Variants in PUS10 observed in about 807,000 individuals in gnomAD.
PUS10 encodes pseudouridine synthase 10, also known as tRNA pseudouridine synthase Pus10.
PUS10 carries 59 observed loss-of-function variants against 75.0 expected under a neutral mutation model. The ratio of observed to expected loss-of-function variants is 0.79; its 90% CI spans 0.64 to 0.98. The LOEUF is 0.98. Ranked by LOEUF, PUS10 falls within the 50% of genes least tolerant of loss-of-function variation. The pLI, the probability that PUS10 is intolerant of heterozygous loss-of-function variation, is 0.00. For missense variants in PUS10, 650 were observed against 614.4 expected, an observed-to-expected ratio of 1.06 and a Z score of -0.61; for synonymous variants, 219 against 211.6, an observed-to-expected ratio of 1.03 and a Z score of -0.30.
chr2:61,017,176 A>C (rs1218234574), intron 1 of PUS10: 4 of 152,534 alleles, frequency 2.6e-5, no homozygotes, highest in African/African-American at 9.7e-5. Context: ...CAGACGCCGG[A>C]GCCTGAGATT....
chr2:60,958,785 C>T (rs993210463), intron 11 of PUS10, among the ~76,000 whole-genome samples: 2 of 152,068 alleles, frequency 1.3e-5, no homozygotes, highest in African/African-American at 4.8e-5. Context: ...ACTTGGGAGG[C>T]TGAGGCAGGA....
chr2:60,953,899 C>A (rs748137145), intron 14 of PUS10, 34 bp downstream of exon 14: 82 of 1,590,662 alleles, frequency 5.2e-5, no homozygotes, highest in Non-Finnish European at 6.8e-5. Context: ...TAAAACGTCC[C>A]TTTTGAAATC....
At chr2:60,994,166 T>C (rs951339569) in intron 4 of PUS10, among the ~76,000 whole-genome samples, 2 of 151,594 alleles carry the variant, frequency 1.3e-5, no homozygotes, top group Admixed American at 6.6e-5. Flanking sequence ...GGGAAGAAAG[T>C]AGTAGTACTA....
chr2:60,947,921 T>C (rs926410373), intron 16 of PUS10, 122 bp downstream of exon 16: 3 of 822,744 alleles, frequency 3.6e-6, no homozygotes, highest in Non-Finnish European at 5.6e-6. Context: ...AAAATATTCT[T>C]CTTCAGTATA....
At chr2:60,954,227 G>GGGTTA (rs1675518107) in intron 12 of PUS10, 69 bp from the exon 13 acceptor site, 1 of 1,471,920 alleles carries the variant, frequency 6.8e-7, no homozygotes. Context: ...TAATGCAAGA[G>GGGTTA]GGTTAGGAGG....
intron 11 of PUS10, 27 bp from the exon 12 acceptor site, chr2:60,955,101 A>C (rs549206003): frequency 4.8e-5 from 69 of 1,437,360 alleles, no homozygotes; most frequent in Admixed American, 3.2e-4. Context: ...AAGAAAAAAA[A>C]ATTAGAGACA....
Position 61,018,129 on chromosome 2 carries a change from T to C in PUS10, c.-137A>G. On this transcript the variant is annotated 5_prime_UTR_variant, in exon 1 of 18. Coordinates refer to ENST00000316752, the MANE Select transcript of PUS10 (RefSeq NM_144709.4). The stretch of plus-strand genomic sequence containing the variant: ...GTGCTTGAAAGAAAGGGGGGCGGCT[T>C]CCTACCTACCGCTTCTGTTTTCACT... 1 of 1,549,076 alleles carries C rather than the reference T, an allele frequency of 6.5e-7. No individual in the cohort carries two copies. The highest frequency in any genetic ancestry group is 8.7e-7 in the Non-Finnish European group (1 of 1,146,184).
rs1249756440 is a variant in PUS10, at chr2:60,942,301, G to A, written c.*94C>T. The A allele has an allele frequency of 3.5e-5, 34 of 979,578 alleles. No individual in the cohort carries two copies. The Admixed American group carries it at 3.8e-4, about 11-fold the overall frequency. The allele number at this position is 979,578 out of a possible 1,614,324, so 60.7% of individuals were successfully genotyped here. Reference sequence around the variant, plus strand: ...TGATCCAAATAGTTTTCAAGACACCGTTATGGTGGGTAAACAGCCATTTTA... The same window carrying A: ...TGATCCAAATAGTTTTCAAGACACCATTATGGTGGGTAAACAGCCATTTTA... On this transcript the variant is annotated 3_prime_UTR_variant, in exon 18 of 18. Coordinates refer to ENST00000316752, the MANE Select transcript of PUS10 (RefSeq NM_144709.4).
At chr2:60,992,421 G>A (rs1678149046) in intron 4 of PUS10, among the ~76,000 whole-genome samples, 1 of 152,120 alleles carries the variant, frequency 6.6e-6, no homozygotes, top group Non-Finnish European at 1.5e-5. Context: ...GAGTGCACAT[G>A]CCCACTCCAC....
At chr2:60,958,348 T>TAATGGAAAAA (rs1573403117) in intron 11 of PUS10, among the ~76,000 whole-genome samples, 1 of 152,158 alleles carries the variant, frequency 6.6e-6, no homozygotes, top group East Asian at 1.9e-4. Context: ...ATTAGGGTGC[T>TAATGGAAAAA]GGTATACTCT....
chr2:60,989,045 C>T (rs537600685), intron 4 of PUS10, among the ~76,000 whole-genome samples: 2 of 152,218 alleles, frequency 1.3e-5, no homozygotes, highest in East Asian at 3.9e-4. Context: ...GGAATAGCAA[C>T]AATTTGAAAG....
intron 1 of PUS10, chr2:61,017,803 G>C: frequency 6.4e-7 from 1 of 1,550,518 alleles, no homozygotes; most frequent in Middle Eastern, 1.7e-4. Context: ...TGGGAGACCC[G>C]CCGAATTCCG....
chr2:60,997,762 C>T (rs1277035227), intron 4 of PUS10, among the ~76,000 whole-genome samples: 1 of 152,128 alleles, frequency 6.6e-6, no homozygotes, highest in Non-Finnish European at 1.5e-5. Flanking sequence ...ACTTGCTTTG[C>T]ATGGATAAGT....
chr2:60,989,818 T>C (rs1677965087), intron 4 of PUS10, among the ~76,000 whole-genome samples: 1 of 152,086 alleles, frequency 6.6e-6, no homozygotes, highest in South Asian at 2.1e-4. Flanking sequence ...AGAGATGGGC[T>C]TTCACCATGT....
intron 4 of PUS10, among the ~76,000 whole-genome samples, chr2:61,006,149 C>T (rs930228113): frequency 6.6e-6 from 1 of 152,090 alleles, no homozygotes. Flanking sequence ...TTATATTTTA[C>T]TCCAAAGGGA....
At chr2:60,950,752 C>G (rs542556152) in intron 15 of PUS10, among the ~76,000 whole-genome samples, 189 of 152,072 alleles carry the variant, frequency 1.2e-3, no homozygotes, top group African/African-American at 4.4e-3. Context: ...GTATAATATC[C>G]CAGTTTACTC....
At chr2:60,945,698 C>G (rs1674902614) in intron 16 of PUS10, among the ~76,000 whole-genome samples, 1 of 152,070 alleles carries the variant, frequency 6.6e-6, no homozygotes. Flanking sequence ...AGTTAATTCT[C>G]TCTCTCTTTC....
At chr2:60,945,853 T>C (rs1170870645) in intron 16 of PUS10, among the ~76,000 whole-genome samples, 2 of 152,340 alleles carry the variant, frequency 1.3e-5, no homozygotes, top group East Asian at 1.9e-4. Context: ...AAGATTTGTT[T>C]TTGCCAGAAT....
At chr2:60,978,261 A>C (rs1444366503) in intron 4 of PUS10, among the ~76,000 whole-genome samples, 1 of 151,902 alleles carries the variant, frequency 6.6e-6, no homozygotes, top group African/African-American at 2.4e-5. Flanking sequence ...ATCTCTACTA[A>C]AAATACAAAA....
Sources: allele counts gnomAD v4.1 joint callset (sites outside exome capture counted in the v4.1 genomes callset), GRCh38; gene constraint gnomAD v4.1.1; transcripts MANE v1.5; gene names NCBI Gene and HGNC (gene_info 2026-07-23, HGNC 2026-07-21).